The following ERC1 variants were observed in gnomAD, a reference collection of about 807,000 sequenced individuals.
ERC1 encodes ELKS/RAB6-interacting/CAST family member 1, also known as RAB6 interacting protein 2.
Under a neutral mutation model 132.0 loss-of-function variants are expected in ERC1, and 56 were observed. The observed-to-expected ratio is 0.42, with a 90% CI of 0.34 to 0.53. The LOEUF is 0.53. ERC1 is among the 20% of genes least tolerant of loss of function. ERC1 has a pLI of 0.03. For missense variants in ERC1, 1,202 were observed against 1,349.9 expected (o/e 0.89, Z 1.72); for synonymous variants, 478 against 476.1 (o/e 1.00, Z -0.05).
intron 14 of ERC1, among the ~76,000 whole-genome samples, chr12:1,279,997 C>T (rs967955338): frequency 6.6e-6 from 1 of 152,110 alleles, no homozygotes; most frequent in Non-Finnish European, 1.5e-5. Flanking sequence ...CCCGACCAGA[C>T]ATGTTTTTAT....
chr12:1,340,462 A>G (rs1032671553), intron 15 of ERC1, among the ~76,000 whole-genome samples: 5 of 152,036 alleles, frequency 3.3e-5, no homozygotes, highest in African/African-American at 9.7e-5. Context: ...TCCCTGCCAA[A>G]TCGGTGTCTG....
chr12:1,123,298 G>A (rs1947788832), intron 7 of ERC1, among the ~76,000 whole-genome samples: 1 of 152,134 alleles, frequency 6.6e-6, no homozygotes, highest in African/African-American at 2.4e-5. Context: ...GTGGAGAATA[G>A]AGAAGAATGG....
At chr12:1,126,736 T>A (rs1000570320) in intron 7 of ERC1, among the ~76,000 whole-genome samples, 9 of 152,086 alleles carry the variant, frequency 5.9e-5, no homozygotes, top group Non-Finnish European at 1.3e-4. Flanking sequence ...ACGCCTGTAA[T>A]CCCAGCCCTT....
intron 1 of ERC1, among the ~76,000 whole-genome samples, chr12:1,005,282 C>G (rs1225751357): frequency 6.6e-6 from 1 of 151,988 alleles, no homozygotes; most frequent in Admixed American, 6.6e-5. Context: ...CTTCGAGTAG[C>G]TGGGACTGCA....
At chr12:1,069,482 A>T (rs1211575480) in intron 2 of ERC1, among the ~76,000 whole-genome samples, 1 of 152,176 alleles carries the variant, frequency 6.6e-6, no homozygotes, top group Non-Finnish European at 1.5e-5. Context: ...TCTAGATAGG[A>T]TCTAGATAGA....
chr12:1,356,455 G>C (rs2085549373), intron 15 of ERC1, among the ~76,000 whole-genome samples: 1 of 152,076 alleles, frequency 6.6e-6, no homozygotes, highest in African/African-American at 2.4e-5. Context: ...CTGTTTTTGT[G>C]TGTGTGTGTC....
chr12:1,159,816 T>G (rs538376571), intron 8 of ERC1, among the ~76,000 whole-genome samples: 1 of 152,302 alleles, frequency 6.6e-6, no homozygotes, highest in East Asian at 1.9e-4. Flanking sequence ...TTCACGGCCC[T>G]TAGCTGAAAT....
intron 15 of ERC1, among the ~76,000 whole-genome samples, chr12:1,362,189 A>AT (rs1248846549): frequency 6.6e-6 from 1 of 152,212 alleles, no homozygotes; most frequent in Non-Finnish European, 1.5e-5. Flanking sequence ...AAAACAAGTC[A>AT]TTCACAGAGA....
At chr12:1,159,830 G>A (rs1173997208) in intron 8 of ERC1, among the ~76,000 whole-genome samples, 1 of 152,000 alleles carries the variant, frequency 6.6e-6, no homozygotes, top group Non-Finnish European at 1.5e-5. Flanking sequence ...CTGAAATGTG[G>A]GCTACTCAGT....
intron 8 of ERC1, among the ~76,000 whole-genome samples, chr12:1,150,317 A>T (rs1435571059): frequency 6.6e-6 from 1 of 152,232 alleles, no homozygotes; most frequent in Non-Finnish European, 1.5e-5. Flanking sequence ...CCTGATAGCC[A>T]TGGCAGTAAA....
chr12:1,045,845 G>A (rs1263701414), intron 2 of ERC1, among the ~76,000 whole-genome samples: 1 of 152,122 alleles, frequency 6.6e-6, no homozygotes, highest in African/African-American at 2.4e-5. Context: ...GTGTATCATA[G>A]GATCCAAAGG....
chr12:1,273,797 A>G (rs370878051), intron 14 of ERC1, among the ~76,000 whole-genome samples: 4 of 152,238 alleles, frequency 2.6e-5, no homozygotes, highest in Non-Finnish European at 4.4e-5. Context: ...ATGGATATCT[A>G]TCTATCTACA....
intron 18 of ERC1, among the ~76,000 whole-genome samples, chr12:1,476,605 G>GTTGGGAT (rs2093979793): frequency 6.6e-6 from 1 of 152,176 alleles, no homozygotes; most frequent in African/African-American, 2.4e-5. Flanking sequence ...TACTGGGAAG[G>GTTGGGAT]TTGGGATTGG....
At chr12:1,078,008 C>T (rs1390477682) in intron 2 of ERC1, among the ~76,000 whole-genome samples, 1 of 152,176 alleles carries the variant, frequency 6.6e-6, no homozygotes, top group Non-Finnish European at 1.5e-5. Flanking sequence ...AAAATGGGTG[C>T]AGGCGGAGCT....
chr12:1,024,954 T>G (rs1032877300), intron 1 of ERC1, among the ~76,000 whole-genome samples: 1 of 152,104 alleles, frequency 6.6e-6, no homozygotes, highest in Non-Finnish European at 1.5e-5. Context: ...TACATTTTAT[T>G]AAGTATTATA....
chr12:1,366,815 C>T (rs897468842), intron 15 of ERC1, among the ~76,000 whole-genome samples: 1 of 152,038 alleles, frequency 6.6e-6, no homozygotes, highest in Non-Finnish European at 1.5e-5. Context: ...GCTCTATTAA[C>T]ATTAAAAGGG....
intron 14 of ERC1, among the ~76,000 whole-genome samples, chr12:1,288,673 C>T (rs779280764): frequency 6.6e-6 from 1 of 152,186 alleles, no homozygotes; most frequent in Non-Finnish European, 1.5e-5. Context: ...GTTTTAGTAT[C>T]ACACAAATGG....
In ERC1 at chr12:1,083,336, T is replaced by C; in HGVS notation, c.842T>C (p.Leu281Pro). Residue 281 changes from leucine to proline, a missense_variant, in exon 3 of 19, where the codon CTG (leucine) becomes CCG (proline). Physicochemically the swap from Leu to Pro is moderately conservative, Grantham distance 98. Coordinates refer to ENST00000360905, the MANE Select transcript of ERC1 (RefSeq NM_178040.4). ...HAEHERQAKE[L>P]FLLRKTLEEM... ...GAGCATGAGCGGCAGGCCAAAGAGC[T>C]GTTTCTTCTTCGAAAGACATTGGAG... 6.2e-7 allele frequency: 1 copy of C among 1,614,186 alleles called. No individual in the cohort carries two copies. Among genetic ancestry groups the C allele is most frequent in the Non-Finnish European group, 8.5e-7 (1 of 1,180,026 alleles).
At chr12:1,180,289 ACGCGTGTGCGCGCG>A (rs1200850043) in intron 8 of ERC1, among the ~76,000 whole-genome samples, 3 of 128,926 alleles carry the variant, frequency 2.3e-5, no homozygotes, top group African/African-American at 8.4e-5. Context: ...GTGTGCGCGC[ACGCGTGTGCGCGCG>A]CGCATACACA....
Sources: gnomAD v4.1 joint callset for allele counts (sites outside exome capture counted in the v4.1 genomes callset) on GRCh38, gnomAD v4.1.1 for gene constraint, MANE v1.5 for transcripts, NCBI Gene and HGNC (gene_info 2026-07-23, HGNC 2026-07-21) for gene names.